The following CYP1A2 variants were observed in gnomAD, a reference collection of about 807,000 sequenced individuals.
The protein encoded by CYP1A2 is cytochrome P450 family 1 subfamily A member 2, also known as cytochrome P450 1A2.
A neutral mutation model predicts 34.7 loss-of-function variants in CYP1A2; 35 were observed. The observed-to-expected ratio is 1.01, with a 90% CI of 0.77 to 1.34. The LOEUF is 1.34. Among genes scored for constraint, CYP1A2 ranks in the 40% most tolerant of loss-of-function variants. CYP1A2 has a pLI of 0.00. For missense variants in CYP1A2, 675 were observed against 675.8 expected, an observed-to-expected ratio of 1.00 and a Z score of 0.01; for synonymous variants, 288 against 281.9, an observed-to-expected ratio of 1.02 and a Z score of -0.22.
rs45468096 is a variant in CYP1A2, at chr15:74,751,198, C to T, written c.841C>T (p.Arg281Trp). 1.5e-3 allele frequency: 2,404 copies of T among 1,613,996 alleles called. 1 individual carries two copies. Among genetic ancestry groups the T allele is most frequent in the Admixed American group, 1.9e-3 (115 of 59,978 alleles). ...GCTTGTGCCCCCTCAGAACAGTGTC[C>T]GGGACATCACGGGTGCCCTGTTCAA... ...HYQDFDKNSVRDITGALFKHS... is the reference protein window; with the variant it reads ...HYQDFDKNSVWDITGALFKHS... Residue 281 changes from arginine (R) to tryptophan (W), a missense_variant, in exon 3 of 7, where the codon CGG (arginine) becomes TGG (tryptophan). Arg to Trp is a moderately radical substitution (Grantham distance 101). Coordinates refer to ENST00000343932, the MANE Select transcript of CYP1A2 (RefSeq NM_000761.5).
chr15:74,749,649 GT>G, intron 1 of CYP1A2, 80 bp from the exon 2 acceptor site: 1 of 1,210,622 alleles, frequency 8.3e-7, no homozygotes. Flanking sequence ...ACGCATCAGT[GT>G]TTATCAAATG....
chr15:74,754,460 G>T (rs534917755), intron 6 of CYP1A2, among the ~76,000 whole-genome samples: 1 of 149,240 alleles, frequency 6.7e-6, no homozygotes, highest in African/African-American at 2.5e-5. Context: ...ACAAAAATTA[G>T]CCGGATATGG....
rs2063301043 is a variant in CYP1A2, at chr15:74,748,910, G to A, written c.-10+13G>A. The A allele has an allele frequency of 6.6e-6, 1 of 152,206 alleles. No individual in the cohort carries two copies. Among genetic ancestry groups the A allele is most frequent in the African/African-American group, 2.4e-5 (1 of 41,430 alleles). The allele number at this position is 152,206 out of a possible 1,614,324, so 9.4% of individuals were successfully genotyped here. The stretch of plus-strand genomic sequence containing the variant: ...CCTGCCTCTACAGGTACCTTTCTTG[G>A]GACCAATTTACAATCTCTGGGATCC... On this transcript the variant is annotated intron_variant, in intron 1 of 6. Coordinates refer to ENST00000343932, the MANE Select transcript of CYP1A2 (RefSeq NM_000761.5).
Position 74,755,242 on chromosome 15 carries a change from A to G in CYP1A2, c.*154A>G, listed in dbSNP as rs2063332951. 30 of 856,386 alleles carry G rather than the reference A, an allele frequency of 3.5e-5. No individual in the cohort carries two copies. The South Asian group carries it at 5.0e-4, about 14-fold the overall frequency. 53.0% of individuals were successfully genotyped at this position (856,386 alleles called of 1,614,324 possible). A position where few individuals can be genotyped will look rare whatever the true frequency, so the allele number is the denominator to read the frequency against. On this transcript the variant is annotated 3_prime_UTR_variant, in exon 7 of 7. Transcript: ENST00000343932. ...CATTTTAGGAGGCCAAGGTTGGAGG[A>G]TCATTTGAGCCCAGGAATTGGAAAG...
At position 74,751,184 on chromosome 15, in the gene CYP1A2, C is replaced by G; in HGVS notation, c.832-5C>G. The G allele has an allele frequency of 1.9e-6, 3 of 1,613,996 alleles. No homozygotes were observed. Among genetic ancestry groups the G allele is most frequent in the Non-Finnish European group, 2.5e-6 (3 of 1,179,938 alleles). ...AGAGGTGCCCCTAAGCTTGTGCCCC[C>G]TCAGAACAGTGTCCGGGACATCACG... is the stretch of plus-strand genomic sequence containing the variant. On this transcript the variant is annotated splice_region_variant and splice_polypyrimidine_tract_variant and intron_variant, in intron 2 of 6. Transcript: ENST00000343932.
At position 74,752,260 on chromosome 15, in the gene CYP1A2, G is replaced by T; in HGVS notation, c.1166+13G>T. On this transcript the variant is annotated intron_variant, in intron 5 of 6. Transcript: ENST00000343932. Reference sequence around the variant, plus strand: ...CCATCCCCCACAGGTGAGGCCTGCCGGTTCTGCCCTCCCACCTCTAAAGTG... The same window carrying T: ...CCATCCCCCACAGGTGAGGCCTGCCTGTTCTGCCCTCCCACCTCTAAAGTG... 1.2e-6 allele frequency: 2 copies of T among 1,613,270 alleles called. No homozygotes were observed. Among genetic ancestry groups the T allele is most frequent in the Non-Finnish European group, 1.7e-6 (2 of 1,179,598 alleles).
chr15:74,752,049 T>A, intron 4 of CYP1A2, 75 bp from the exon 5 acceptor site: 1 of 1,590,788 alleles, frequency 6.3e-7, no homozygotes, highest in Non-Finnish European at 8.6e-7. Context: ...AAGAGTGACA[T>A]GGGGTATAAG....
In CYP1A2 at chr15:74,751,824, G is replaced by C. The variant is rs749883467; in HGVS notation, c.1012G>C (p.Glu338Gln). The C allele has an allele frequency of 1.2e-6, 2 of 1,614,048 alleles. No homozygotes were observed. Among genetic ancestry groups the C allele is most frequent in the Middle Eastern group, 1.6e-4 (1 of 6,082 alleles). Residue 338 changes from glutamate to glutamine, a missense_variant, in exon 4 of 7, where the codon GAG becomes CAG. Physicochemically the swap from Glu to Gln is conservative, Grantham distance 29. Transcript: ENST00000343932. ...CCTCATGTACCTTGTGACCAAGCCT[G>C]AGATACAGAGGAAGATCCAGAAGGA... is the stretch of plus-strand genomic sequence containing the variant. ...WSLMYLVTKP[E>Q]IQRKIQKELD...
At position 74,749,888 on chromosome 15, in the gene CYP1A2, G is replaced by C. The variant is rs1393868624; in HGVS notation, c.150G>C (p.Leu50Phe). The C allele has an allele frequency of 6.2e-7, 1 of 1,608,940 alleles. No individual in the cohort carries two copies. Among genetic ancestry groups the C allele is most frequent in the Admixed American group, 1.7e-5 (1 of 59,866 alleles). Residue 50 changes from leucine (L) to phenylalanine (F), a missense_variant, in exon 2 of 7, where the codon TTG (leucine) becomes TTC (phenylalanine). Coordinates refer to ENST00000343932, the MANE Select transcript of CYP1A2 (RefSeq NM_000761.5). ...CACCAGAGCCATGGGGCTGGCCCTT[G>C]CTCGGGCATGTGCTGACCCTGGGGA... The part of the protein sequence containing the change: ...KSPPEPWGWP[L>F]LGHVLTLGKN...
At chr15:74,753,678 G>C (rs936700063) in intron 6 of CYP1A2, among the ~76,000 whole-genome samples, 8 of 151,306 alleles carry the variant, frequency 5.3e-5, no homozygotes, top group Admixed American at 3.3e-4. Context: ...AGGCTGCAGT[G>C]AGCCGAGATC....
chr15:74,756,121 G>GT lies in CYP1A2; in HGVS notation c.*1047dup, dbSNP rs34002060. On this transcript the variant is annotated 3_prime_UTR_variant, in exon 7 of 7. Coordinates refer to ENST00000343932, the MANE Select transcript of CYP1A2 (RefSeq NM_000761.5). ...ATGAACCACCGCGCCCAGCCTTTTT[G>GT]TTTTTTTTTTTTTTGAGACAGAGTC... 5,938 of 129,310 alleles carry GT rather than the reference G, an allele frequency of 0.046. 239 individuals are homozygous for GT. Among genetic ancestry groups the GT allele is most frequent in the South Asian group, 0.21 (857 of 4,030 alleles). 8.0% of individuals were successfully genotyped at this position (129,310 alleles called of 1,614,324 possible).
Position 74,751,805 on chromosome 15 carries a change from G to A in CYP1A2, c.993G>A (p.Met331Ile), listed in dbSNP as rs995673317. Residue 331 changes from methionine (M) to isoleucine (I), a missense_variant, in exon 4 of 7, where the codon ATG becomes ATA. Physicochemically the swap from Met to Ile is conservative, Grantham distance 10 (BLOSUM62 1). Coordinates refer to ENST00000343932, the MANE Select transcript of CYP1A2 (RefSeq NM_000761.5). The part of the protein sequence containing the change: ...TVTTAISWSL[M>I]YLVTKPEIQR... ...CCACAGCCATCTCCTGGAGCCTCAT[G>A]TACCTTGTGACCAAGCCTGAGATAC... 11 of 1,614,066 alleles carry A rather than the reference G, an allele frequency of 6.8e-6. No homozygotes were observed. Among genetic ancestry groups the A allele is most frequent in the Admixed American group, 1.7e-5 (1 of 60,000 alleles).
chr15:74,752,057 AAG>A lies in CYP1A2; in HGVS notation c.1043-64_1043-63del, dbSNP rs988250207. The stretch of plus-strand genomic sequence containing the variant: ...CTTACATAAGAGTGACATGGGGTAT[AAG>A]AGGGGATAATTCATGGGGCAGTTAG... On this transcript the variant is annotated intron_variant, in intron 4 of 6. Transcript: ENST00000343932. 5.0e-6 allele frequency: 8 copies of A among 1,602,262 alleles called. No homozygotes were observed. The African/African-American group carries it at 6.7e-5, about 13-fold the overall frequency.
chr15:74,750,150 C>G lies in CYP1A2; in HGVS notation c.412C>G (p.Arg138Gly). Residue 138 changes from arginine (R) to glycine (G), a missense_variant, in exon 2 of 7, where the codon CGC (arginine) becomes GGC (glycine). Arg to Gly is a moderately radical substitution (Grantham distance 125). Coordinates refer to ENST00000343932, the MANE Select transcript of CYP1A2 (RefSeq NM_000761.5). ...TGGACCGGTGTGGGCTGCCCGCCGG[C>G]GCCTGGCCCAGAATGCCCTCAACAC... ...DSGPVWAARR[R>G]LAQNALNTFS... The G allele has an allele frequency of 2.5e-6, 4 of 1,614,058 alleles. No individual in the cohort carries two copies. The South Asian group carries it at 4.4e-5, about 18-fold the overall frequency.
At chr15:74,749,367 C>A (rs796601541) in intron 1 of CYP1A2, among the ~76,000 whole-genome samples, 17 of 152,326 alleles carry the variant, frequency 1.1e-4, no homozygotes, top group Middle Eastern at 3.4e-3. Flanking sequence ...CTCTTTGGTA[C>A]AATACCCAGC....
intron 2 of CYP1A2, 39 bp downstream of exon 2, chr15:74,750,608 G>C (rs759538814): frequency 3.9e-6 from 6 of 1,544,722 alleles, no homozygotes; most frequent in Middle Eastern, 3.5e-4. Flanking sequence ...CACCTTGCAG[G>C]GCCTGGGTGC....
At chr15:74,752,845 C>T (rs987379528) in intron 5 of CYP1A2, among the ~76,000 whole-genome samples, 2 of 145,518 alleles carry the variant, frequency 1.4e-5, no homozygotes, top group East Asian at 4.0e-4. Context: ...AGAAATTCCC[C>T]GGGGCTGCCC....
intron 5 of CYP1A2, 83 bp from the exon 6 acceptor site, chr15:74,753,101 C>A: frequency 1.9e-6 from 2 of 1,044,408 alleles, no homozygotes; most frequent in Non-Finnish European, 2.9e-6. Context: ...GGTGGGCAGG[C>A]TGTCTGGATG....
rs969721209 is a variant in CYP1A2 at position 74,754,810 on chromosome 15, T to A, written c.1273T>A (p.Ser425Thr). 6 of 1,612,834 alleles carry A rather than the reference T, an allele frequency of 3.7e-6. No homozygotes were observed. The highest frequency in any genetic ancestry group is 5.1e-6 in the Non-Finnish European group (6 of 1,178,898). ...TTGCAGAGAGCTGTGGGAGGACCCC[T>A]CTGAGTTCCGGCCTGAGCGGTTCCT... is the stretch of plus-strand genomic sequence containing the variant. ...NHDPELWEDP[S>T]EFRPERFLTA... The change falls in exon 7 of 7, where the codon TCT becomes ACT. Residue 425 changes from serine to threonine, a missense_variant. By Grantham distance (58) the Ser-to-Thr change is moderately conservative (BLOSUM62 1). Transcript: ENST00000343932.
Sources: gnomAD v4.1 joint callset for allele counts (sites outside exome capture counted in the v4.1 genomes callset) on GRCh38, gnomAD v4.1.1 for gene constraint, MANE v1.5 for transcripts, NCBI Gene and HGNC (gene_info 2026-07-23, HGNC 2026-07-21) for gene names.